The following RAD51B variants were observed in gnomAD, a reference collection of about 807,000 sequenced individuals.
RAD51B encodes the protein RAD51 paralog B.
Under a neutral mutation model 42.2 loss-of-function variants are expected in RAD51B, and 38 were observed. The observed-to-expected ratio is 0.90, with a 90% CI of 0.70 to 1.18. RAD51B has a LOEUF of 1.18. Ranked by LOEUF, RAD51B falls within the 50% of genes most tolerant of loss-of-function variation. The pLI, the probability that RAD51B is intolerant of heterozygous loss-of-function variation, is 0.00. For synonymous variants in RAD51B, 154 were observed against 145.2 expected (o/e 1.06, Z -0.43); for missense variants, 373 against 400.7 (o/e 0.93, Z 0.59).
chr14:68,617,962 A>C (rs1891859564), intron 10 of RAD51B, among the ~76,000 whole-genome samples: 1 of 151,370 alleles, frequency 6.6e-6, no homozygotes, highest in South Asian at 2.1e-4. Context: ...CAGAAGCAAA[A>C]ATCTTAAGAA....
intron 7 of RAD51B, among the ~76,000 whole-genome samples, chr14:68,012,578 A>G (rs1487252067): frequency 1.3e-5 from 2 of 152,172 alleles, no homozygotes; most frequent in African/African-American, 4.8e-5. Flanking sequence ...AAAACGTGCC[A>G]GCAACAAAGC....
intron 10 of RAD51B, among the ~76,000 whole-genome samples, chr14:68,624,039 C>T (rs8009601): frequency 0.12 from 18,808 of 152,088 alleles, 2,249 homozygotes; most frequent in African/African-American, 0.31. Flanking sequence ...CTCTGAAAGA[C>T]GAGGGGAAGT....
intron 7 of RAD51B, among the ~76,000 whole-genome samples, chr14:68,087,592 G>GA (rs1397919723): frequency 6.6e-6 from 1 of 151,258 alleles, no homozygotes; most frequent in Non-Finnish European, 1.5e-5. Context: ...TGTGGAACCA[G>GA]AAAAAAAATC....
At chr14:68,073,489 T>A (rs755419934) in intron 7 of RAD51B, among the ~76,000 whole-genome samples, 1 of 152,244 alleles carries the variant, frequency 6.6e-6, no homozygotes, top group Non-Finnish European at 1.5e-5. Flanking sequence ...TGCCACTTTG[T>A]GCCTTTTAGG....
intron 7 of RAD51B, among the ~76,000 whole-genome samples, chr14:67,952,958 C>T (rs192836865): frequency 6.6e-6 from 1 of 151,854 alleles, no homozygotes; most frequent in Admixed American, 6.6e-5. Context: ...AAACTGAATG[C>T]CTGTAATTAC....
intron 8 of RAD51B, among the ~76,000 whole-genome samples, chr14:68,388,096 T>TATATATA (rs33934376): frequency 1.5e-4 from 14 of 92,108 alleles, no homozygotes; most frequent in East Asian, 1.0e-3. Context: ...ATATATATAT[T>TATATATA]TTTTTTTTTT....
At chr14:68,009,431 T>G (rs1334133121) in intron 7 of RAD51B, among the ~76,000 whole-genome samples, 1 of 151,946 alleles carries the variant, frequency 6.6e-6, no homozygotes, top group Non-Finnish European at 1.5e-5. Context: ...TTTCCTTATC[T>G]TTTTGCCTTT....
chr14:68,414,433 G>C (rs1228827112), intron 9 of RAD51B, among the ~76,000 whole-genome samples: 1 of 152,038 alleles, frequency 6.6e-6, no homozygotes, highest in Non-Finnish European at 1.5e-5. Flanking sequence ...CATGTTCTTA[G>C]AGTAGAATTA....
At chr14:68,399,365 T>C (rs2084023540) in intron 8 of RAD51B, among the ~76,000 whole-genome samples, 2 of 151,340 alleles carry the variant, frequency 1.3e-5, no homozygotes, top group Admixed American at 6.6e-5. Flanking sequence ...CACGCCATTC[T>C]CCTGCCTCAG....
At chr14:68,351,652 T>C (rs1430773116) in intron 8 of RAD51B, among the ~76,000 whole-genome samples, 3 of 152,036 alleles carry the variant, frequency 2.0e-5, no homozygotes, top group Admixed American at 6.5e-5. Flanking sequence ...GAGGAGGCAT[T>C]GATTAGAGGA....
downstream of RAD51B, among the ~76,000 whole-genome samples, chr14:68,614,142 G>A (rs11848201): frequency 1.3e-3 from 198 of 152,236 alleles, no homozygotes; most frequent in African/African-American, 4.4e-3. Flanking sequence ...CCTATGACAC[G>A]ATTTTTCAGG....
intron 7 of RAD51B, among the ~76,000 whole-genome samples, chr14:67,998,076 T>C (rs2075416658): frequency 6.6e-6 from 1 of 152,232 alleles, no homozygotes; most frequent in African/African-American, 2.4e-5. Flanking sequence ...CAAAGTGTGG[T>C]ACCTGGACCA....
chr14:68,576,651 G>A (rs970313946), intron 10 of RAD51B, among the ~76,000 whole-genome samples: 3 of 152,188 alleles, frequency 2.0e-5, no homozygotes, highest in African/African-American at 7.2e-5. Flanking sequence ...AGCTTCTAGG[G>A]TATGAGTCAT....
downstream of RAD51B, among the ~76,000 whole-genome samples, chr14:68,600,691 T>C (rs1443129286): frequency 3.2e-4 from 48 of 152,192 alleles, no homozygotes; most frequent in Admixed American, 3.1e-3. Context: ...TACCCTTTAA[T>C]CATGCCTTAT....
At chr14:68,586,116 G>C (rs930791239) in intron 10 of RAD51B, among the ~76,000 whole-genome samples, 9 of 152,228 alleles carry the variant, frequency 5.9e-5, no homozygotes, top group African/African-American at 2.2e-4. Flanking sequence ...CATTAAAGGC[G>C]GGTGAAAAAC....
intron 8 of RAD51B, among the ~76,000 whole-genome samples, chr14:68,356,049 TGAG>T (rs1034173170): frequency 2.6e-5 from 4 of 152,242 alleles, no homozygotes; most frequent in African/African-American, 9.6e-5. Context: ...AGCCATATCT[TGAG>T]GATATTGTAG....
intron 7 of RAD51B, among the ~76,000 whole-genome samples, chr14:68,029,432 A>G (rs558357175): frequency 3.3e-5 from 5 of 152,316 alleles, no homozygotes; most frequent in Admixed American, 2.6e-4. Flanking sequence ...AGTAGTTTCC[A>G]TCTCAAGAAA....
intron 7 of RAD51B, among the ~76,000 whole-genome samples, chr14:67,994,740 C>T (rs939041295): frequency 6.6e-6 from 1 of 152,194 alleles, no homozygotes; most frequent in African/African-American, 2.4e-5. Flanking sequence ...ATCTTCCCAT[C>T]TGCAACTGAT....
At chr14:68,597,421 C>G (rs965571199), downstream of RAD51B, among the ~76,000 whole-genome samples, 3 of 152,144 alleles carry the variant, frequency 2.0e-5, no homozygotes, top group Admixed American at 2.0e-4. Context: ...CCTACTCCTG[C>G]CCTTGTTAAG....
Sources: allele counts gnomAD v4.1 joint callset (sites outside exome capture counted in the v4.1 genomes callset), GRCh38; gene constraint gnomAD v4.1.1; transcripts MANE v1.5; gene names NCBI Gene and HGNC (gene_info 2026-07-23, HGNC 2026-07-21).